The following MYO1E variants were observed in gnomAD, a reference collection of about 807,000 sequenced individuals.
The protein encoded by MYO1E is unconventional myosin-Ie.
A neutral mutation model predicts 151.1 loss-of-function variants in MYO1E; 68 were observed. That is an observed-to-expected ratio of 0.45 (90% CI 0.37 to 0.55). The LOEUF is 0.55. MYO1E is among the 20% of genes least tolerant of loss of function. MYO1E has a pLI of 0.00. For missense variants in MYO1E, 1,363 were observed against 1,389.3 expected, an observed-to-expected ratio of 0.98 and a Z score of 0.30; for synonymous variants, 601 against 501.7, an observed-to-expected ratio of 1.20 and a Z score of -2.64.
At chr15:59,152,273 GC>G (rs2079486003) in intron 26 of MYO1E, among the ~76,000 whole-genome samples, 1 of 152,164 alleles carries the variant, frequency 6.6e-6, no homozygotes, top group Non-Finnish European at 1.5e-5. Context: ...ATGGATGGCT[GC>G]CCCCTCAGAG....
chr15:59,206,803 G>A lies in MYO1E; in HGVS notation c.1531-1318C>T, dbSNP rs563696865. ...AGACTCTGGCAAGGCCCGCGCAGCC[G>A]CAGTAGAGGGCCAGGGGGCGGGGCA... On this transcript the variant is annotated intron_variant, in intron 14 of 27. Transcript: ENST00000288235. The A allele has an allele frequency of 1.5e-4, 122 of 817,126 alleles. No individual in the cohort carries two copies. The African/African-American group carries it at 2.0e-3, about 14-fold the overall frequency. The allele number at this position is 817,126 out of a possible 1,614,324, so 50.6% of individuals were successfully genotyped here.
At chr15:59,364,722 T>TG (rs775040177) in intron 1 of MYO1E, among the ~76,000 whole-genome samples, 3 of 151,932 alleles carry the variant, frequency 2.0e-5, no homozygotes, top group Non-Finnish European at 4.4e-5. Context: ...CTGGCCAACA[T>TG]GGTGAAACCC....
At chr15:59,369,798 T>G (rs2080934483) in intron 1 of MYO1E, among the ~76,000 whole-genome samples, 1 of 152,138 alleles carries the variant, frequency 6.6e-6, no homozygotes, top group Admixed American at 6.6e-5. Context: ...GCTATTTTCC[T>G]TATGAGTCAC....
At chr15:59,223,292 G>T in intron 8 of MYO1E, 101 bp from the exon 9 acceptor site, 9 of 1,339,252 alleles carry the variant, frequency 6.7e-6, no homozygotes, top group Non-Finnish European at 9.5e-6. Context: ...ATAAGGATGT[G>T]ACAAGTACAG....
chr15:59,147,385 A>G lies in MYO1E; in HGVS notation c.3080+6205T>C, dbSNP rs575114375. ...GAGGCTGAGGTGGGCGGATCACTTG[A>G]GGCCAGGAGTTCGAGACCAGCCTGG... On this transcript the variant is annotated intron_variant, in intron 26 of 27. Transcript: ENST00000288235. 7.6e-4 allele frequency among the ~76,000 whole-genome samples: 115 copies of G among 152,202 alleles called. 1 individual carries two copies. Among genetic ancestry groups the G allele is most frequent in the African/African-American group, 2.5e-3 (103 of 41,510 alleles).
At chr15:59,311,475 C>T (rs1372101594) in intron 1 of MYO1E, among the ~76,000 whole-genome samples, 1 of 152,096 alleles carries the variant, frequency 6.6e-6, no homozygotes, top group Non-Finnish European at 1.5e-5. Flanking sequence ...GGCCACGGAC[C>T]GTATTGCCCA....
rs71977305 is a variant in MYO1E at position 59,196,986 on chromosome 15, C to CTTTTTTTTTTTTTTTTTTTTTTTTTTT, written c.1699-1420_1699-1419insAAAAAAAAAAAAAAAAAAAAAAAAAAA. Among the ~76,000 whole-genome samples the CTTTTTTTTTTTTTTTTTTTTTTTTTTT allele has an allele frequency of 9.8e-5, 7 of 71,492 alleles. 1 individual carries two copies. The highest frequency in any genetic ancestry group is 5.5e-4 in the East Asian group (1 of 1,824). 46.9% of individuals were successfully genotyped at this position (71,492 alleles called of 152,430 possible). Reference sequence around the variant, plus strand: ...ATTTTAGTTTTGTATTTAATTACGACTTTTTTTTTTTTTTTTTTTTTTTTG... The same window carrying CTTTTTTTTTTTTTTTTTTTTTTTTTTT: ...ATTTTAGTTTTGTATTTAATTACGACTTTTTTTTTTTTTTTTTTTTTTTTTTTTTTTTTTTTTTTTTTTTTTTTTTTG... On this transcript the variant is annotated intron_variant, in intron 16 of 27. Coordinates refer to ENST00000288235, the MANE Select transcript of MYO1E (RefSeq NM_004998.4).
chr15:59,339,782 G>C (rs2080752185), intron 1 of MYO1E, among the ~76,000 whole-genome samples: 1 of 152,032 alleles, frequency 6.6e-6, no homozygotes. Context: ...GAGCCCAGGA[G>C]TTAAAGACCA....
chr15:59,170,698 G>A (rs78819883), intron 22 of MYO1E, among the ~76,000 whole-genome samples: 4,440 of 152,268 alleles, frequency 0.029, 96 homozygotes, highest in South Asian at 0.058. Flanking sequence ...GAGTTGGCAC[G>A]TTTTAAATAC....
At chr15:59,307,237 T>C (rs1217042710) in intron 1 of MYO1E, among the ~76,000 whole-genome samples, 1 of 152,172 alleles carries the variant, frequency 6.6e-6, no homozygotes, top group Admixed American at 6.5e-5. Context: ...GGCCTGGGCA[T>C]TGGAACTCTC....
intron 2 of MYO1E, among the ~76,000 whole-genome samples, chr15:59,269,040 C>T (rs2080274560): frequency 6.6e-6 from 1 of 152,098 alleles, no homozygotes; most frequent in South Asian, 2.1e-4. Flanking sequence ...CTACTACATT[C>T]AGCGGAAATG....
chr15:59,267,350 T>C (rs1315765681), intron 2 of MYO1E, among the ~76,000 whole-genome samples: 1 of 152,178 alleles, frequency 6.6e-6, no homozygotes, highest in Non-Finnish European at 1.5e-5. Flanking sequence ...GAATAGTCAG[T>C]GAATTTCCCA....
chr15:59,294,463 T>A (rs77513804), intron 1 of MYO1E, among the ~76,000 whole-genome samples: 3 of 152,156 alleles, frequency 2.0e-5, no homozygotes, highest in Non-Finnish European at 4.4e-5. Flanking sequence ...CCAAACCCCA[T>A]TGAACTTGGA....
chr15:59,212,638 T>TA (rs1242709250), intron 12 of MYO1E: 1 of 152,198 alleles, frequency 6.6e-6, no homozygotes, highest in Non-Finnish European at 1.5e-5. Context: ...TCTTTTTTTT[T>TA]ACAGTTCACT....
rs75238584 is a variant in MYO1E at position 59,172,502 on chromosome 15, T to C, written c.2335-460A>G. 2.1e-3 allele frequency among the ~76,000 whole-genome samples: 321 copies of C among 152,290 alleles called. 1 individual carries two copies. Among genetic ancestry groups the C allele is most frequent in the African/African-American group, 7.4e-3 (307 of 41,560 alleles). On this transcript the variant is annotated intron_variant, in intron 21 of 27. Transcript: ENST00000288235. ...CCATTCATCACATGACCGGGCCCCATGACAGTGAAAGAGGGCATTGTTCAT... is the reference window on the plus strand; with the variant it reads ...CCATTCATCACATGACCGGGCCCCACGACAGTGAAAGAGGGCATTGTTCAT...
intron 1 of MYO1E, among the ~76,000 whole-genome samples, chr15:59,345,770 A>G (rs1325010239): frequency 6.6e-6 from 1 of 152,184 alleles, no homozygotes; most frequent in African/African-American, 2.4e-5. Context: ...ATATTTACCA[A>G]TTCTCAGAGT....
chr15:59,204,537 G>C (rs180974403), intron 15 of MYO1E, among the ~76,000 whole-genome samples: 26 of 152,334 alleles, frequency 1.7e-4, no homozygotes, highest in Admixed American at 1.6e-3. Context: ...TGATGGACTT[G>C]CTCATGTAAA....
chr15:59,196,986 C>CT (rs71977305), intron 16 of MYO1E, among the ~76,000 whole-genome samples: 2,056 of 71,078 alleles, frequency 0.029, 403 homozygotes, highest in African/African-American at 0.087. Flanking sequence ...TTAATTACGA[C>CT]TTTTTTTTTT....
chr15:59,270,157 G>T (rs755827500), intron 2 of MYO1E, among the ~76,000 whole-genome samples: 2 of 152,198 alleles, frequency 1.3e-5, no homozygotes, highest in Non-Finnish European at 2.9e-5. Context: ...CAAAATTGTG[G>T]AGTATAGATT....
Sources: allele counts gnomAD v4.1 joint callset (sites outside exome capture counted in the v4.1 genomes callset), GRCh38; gene constraint gnomAD v4.1.1; transcripts MANE v1.5; gene names NCBI Gene and HGNC (gene_info 2026-07-23, HGNC 2026-07-21).